Variants in STXBP5L observed in about 807,000 individuals in gnomAD.
STXBP5L encodes syntaxin-binding protein 5-like.
A neutral mutation model predicts 144.5 loss-of-function variants in STXBP5L; 65 were observed. That is an observed-to-expected ratio of 0.45 (90% CI 0.37 to 0.55). The LOEUF (loss-of-function observed/expected upper bound fraction) is 0.55. Among genes scored for constraint, STXBP5L ranks in the 20% least tolerant of loss-of-function variants. The pLI is 0.00. For synonymous variants in STXBP5L, 505 were observed against 469.6 expected, an observed-to-expected ratio of 1.08 and a Z score of -0.97; for missense variants, 1,298 against 1,405.5, an observed-to-expected ratio of 0.92 and a Z score of 1.22.
chr3:121,195,414 T>C (rs1459233313), intron 9 of STXBP5L, among the ~76,000 whole-genome samples: 1 of 152,202 alleles, frequency 6.6e-6, no homozygotes, highest in Non-Finnish European at 1.5e-5. Flanking sequence ...TCGCGTCACA[T>C]AATTGTCATT....
At chr3:120,976,851 G>A (rs556229237) in intron 3 of STXBP5L, among the ~76,000 whole-genome samples, 83 of 152,106 alleles carry the variant, frequency 5.5e-4, no homozygotes, top group Middle Eastern at 3.4e-3. Context: ...GTAGTTGAGC[G>A]GTTTTGAGTG....
At chr3:121,007,809 T>C (rs1259807205) in intron 3 of STXBP5L, among the ~76,000 whole-genome samples, 1 of 152,000 alleles carries the variant, frequency 6.6e-6, no homozygotes, top group Admixed American at 6.6e-5. Flanking sequence ...AAGAATGTGG[T>C]CAGGATACTG....
At chr3:120,977,835 T>G (rs1210828609) in intron 3 of STXBP5L, among the ~76,000 whole-genome samples, 1 of 152,230 alleles carries the variant, frequency 6.6e-6, no homozygotes, top group Non-Finnish European at 1.5e-5. Context: ...AAATTCTGGG[T>G]TGAAAATTCT....
intron 3 of STXBP5L, among the ~76,000 whole-genome samples, chr3:120,956,499 G>A (rs957381833): frequency 3.3e-5 from 5 of 151,910 alleles, no homozygotes; most frequent in African/African-American, 1.2e-4. Flanking sequence ...TGAAGCATAT[G>A]TGAGAACTTC....
At chr3:121,360,615 C>G (rs2045684203) in intron 20 of STXBP5L, among the ~76,000 whole-genome samples, 1 of 152,002 alleles carries the variant, frequency 6.6e-6, no homozygotes, top group African/African-American at 2.4e-5. Flanking sequence ...TATCTTATAA[C>G]CCGCTATTTA....
At chr3:121,362,592 G>A (rs1341514025) in intron 20 of STXBP5L, among the ~76,000 whole-genome samples, 1 of 152,106 alleles carries the variant, frequency 6.6e-6, no homozygotes, top group Non-Finnish European at 1.5e-5. Flanking sequence ...TCAGCTTATT[G>A]TGAATGCTGC....
chr3:121,161,423 TA>T (rs1374894890), intron 9 of STXBP5L, among the ~76,000 whole-genome samples: 1 of 152,026 alleles, frequency 6.6e-6, no homozygotes, highest in Non-Finnish European at 1.5e-5. Flanking sequence ...CCTCTTTATA[TA>T]ATGTGTCACT....
At chr3:121,279,597 T>C (rs2050987818) in intron 18 of STXBP5L, among the ~76,000 whole-genome samples, 1 of 151,860 alleles carries the variant, frequency 6.6e-6, no homozygotes, top group Admixed American at 6.6e-5. Flanking sequence ...TTGCCGATCA[T>C]CCTTTTTTTG....
rs533279247 is a variant in STXBP5L, at chr3:121,334,876, G to A, written c.2176+16336G>A. On this transcript the variant is annotated intron_variant, in intron 20 of 26. Coordinates refer to ENST00000471454, the MANE Select transcript of STXBP5L (RefSeq NM_001308330.2). ...CATCATACTGAATGGGCAAAAGCTGGAAGCATTCCCCTTGAAAACTGGCAC... is the reference window on the plus strand; with the variant it reads ...CATCATACTGAATGGGCAAAAGCTGAAAGCATTCCCCTTGAAAACTGGCAC... Among the ~76,000 whole-genome samples, 6 of 152,254 alleles carry A rather than the reference G, an allele frequency of 3.9e-5. No individual in the cohort carries two copies. The South Asian group carries it at 1.0e-3, about 26-fold the overall frequency.
chr3:121,291,988 G>A (rs2108466950), intron 19 of STXBP5L, among the ~76,000 whole-genome samples: 1 of 152,260 alleles, frequency 6.6e-6, no homozygotes, highest in South Asian at 2.1e-4. Flanking sequence ...CTAGACATTG[G>A]CTTAAACATA....
chr3:121,388,115 C>G (rs961215488), intron 22 of STXBP5L, among the ~76,000 whole-genome samples: 5 of 152,164 alleles, frequency 3.3e-5, no homozygotes, highest in African/African-American at 1.2e-4. Context: ...AGAGGTCCTT[C>G]ACATCCCTTG....
At chr3:121,183,102 T>C (rs1213141515) in intron 9 of STXBP5L, among the ~76,000 whole-genome samples, 3 of 152,110 alleles carry the variant, frequency 2.0e-5, no homozygotes, top group Non-Finnish European at 2.9e-5. Flanking sequence ...ATCCCATTAA[T>C]ATGAAAACAC....
At chr3:121,397,761 A>T (rs188862127) in intron 22 of STXBP5L, among the ~76,000 whole-genome samples, 3 of 152,352 alleles carry the variant, frequency 2.0e-5, no homozygotes, top group Non-Finnish European at 2.9e-5. Flanking sequence ...ATTTATAGGT[A>T]CAGAAATTAT....
intron 19 of STXBP5L, among the ~76,000 whole-genome samples, chr3:121,312,368 C>CT (rs71619793): frequency 0.14 from 8,515 of 60,058 alleles, 788 homozygotes; most frequent in Middle Eastern, 0.2. Context: ...TAAAGAGCTT[C>CT]TTTTTTTTTT....
chr3:120,965,365 A>G (rs1939435384), intron 3 of STXBP5L, among the ~76,000 whole-genome samples: 1 of 152,170 alleles, frequency 6.6e-6, no homozygotes, highest in African/African-American at 2.4e-5. Context: ...CAGTTTCTTC[A>G]TAGCATCGAT....
intron 9 of STXBP5L, among the ~76,000 whole-genome samples, chr3:121,185,015 A>G (rs1286405861): frequency 6.6e-6 from 1 of 152,218 alleles, no homozygotes; most frequent in East Asian, 1.9e-4. Context: ...GCAAATGCTG[A>G]TATTGCCACC....
At chr3:121,302,065 T>A (rs913003835) in intron 19 of STXBP5L, among the ~76,000 whole-genome samples, 1 of 152,228 alleles carries the variant, frequency 6.6e-6, no homozygotes, top group Non-Finnish European at 1.5e-5. Context: ...CCGCATAAAA[T>A]GAGTTAGGGA....
chr3:121,193,195 T>C (rs1195360286), intron 9 of STXBP5L, among the ~76,000 whole-genome samples: 2 of 142,724 alleles, frequency 1.4e-5, no homozygotes, highest in Non-Finnish European at 3.1e-5. Context: ...AAAAGACACC[T>C]ATGCAGCCAA....
intron 20 of STXBP5L, among the ~76,000 whole-genome samples, chr3:121,348,917 T>C (rs1045590736): frequency 6.6e-6 from 1 of 152,120 alleles, no homozygotes; most frequent in Non-Finnish European, 1.5e-5. Context: ...AACTCCTGGA[T>C]TCATTGATTT....
Sources: allele counts gnomAD v4.1 joint callset (sites outside exome capture counted in the v4.1 genomes callset), GRCh38; gene constraint gnomAD v4.1.1; transcripts MANE v1.5; gene names NCBI Gene and HGNC (gene_info 2026-07-23, HGNC 2026-07-21).